Variants in HS2ST1 observed in about 807,000 individuals in gnomAD.
HS2ST1 encodes the protein 2-O-sulfotransferase.
HS2ST1 carries 18 observed loss-of-function variants against 42.9 expected under a neutral mutation model. The observed-to-expected ratio is 0.42, with a 90% CI of 0.29 to 0.62. The LOEUF is 0.62. Ranked by LOEUF, HS2ST1 falls within the 20% of genes least tolerant of loss-of-function variation. The probability of loss-of-function intolerance (pLI) is 0.21; values close to 1 mark genes in which losing one functional copy is unlikely to be tolerated. For synonymous variants in HS2ST1, 146 were observed against 152.9 expected (o/e 0.95, Z 0.33); for missense variants, 334 against 433.8 (o/e 0.77, Z 2.04).
intron 1 of HS2ST1, among the ~76,000 whole-genome samples, chr1:86,979,469 C>T (rs1262373968): frequency 2.0e-5 from 3 of 152,192 alleles, no homozygotes; most frequent in South Asian, 2.1e-4. Context: ...ATTTTGTGTT[C>T]GTATTGTTGT....
chr1:87,076,963 G>C (rs1429066612), intron 2 of HS2ST1, among the ~76,000 whole-genome samples: 1 of 152,130 alleles, frequency 6.6e-6, no homozygotes, highest in Non-Finnish European at 1.5e-5. Context: ...AGTTCACCAG[G>C]AGTTGCAGAT....
At chr1:86,953,336 C>G (rs1647578197) in intron 1 of HS2ST1, among the ~76,000 whole-genome samples, 1 of 152,226 alleles carries the variant, frequency 6.6e-6, no homozygotes, top group African/African-American at 2.4e-5. Context: ...GTTTTCTTAT[C>G]ATGGTGTGTT....
chr1:87,000,161 A>G (rs984528246), intron 1 of HS2ST1, among the ~76,000 whole-genome samples: 2 of 152,130 alleles, frequency 1.3e-5, no homozygotes, highest in Non-Finnish European at 2.9e-5. Context: ...TTATAAAGCA[A>G]ATAATGAGTA....
intron 1 of HS2ST1, among the ~76,000 whole-genome samples, chr1:86,942,443 T>C (rs1268976906): frequency 6.6e-6 from 1 of 152,190 alleles, no homozygotes; most frequent in Non-Finnish European, 1.5e-5. Flanking sequence ...TTGGTTTAGA[T>C]TAAAAGTGCT....
chr1:87,087,245 C>A (rs961651274), intron 3 of HS2ST1, among the ~76,000 whole-genome samples: 1 of 152,100 alleles, frequency 6.6e-6, no homozygotes, highest in Non-Finnish European at 1.5e-5. Flanking sequence ...TAAACATTTT[C>A]ATTTATAATG....
At chr1:87,020,802 C>A (rs958661453) in intron 1 of HS2ST1, among the ~76,000 whole-genome samples, 2 of 152,150 alleles carry the variant, frequency 1.3e-5, no homozygotes, top group African/African-American at 4.8e-5. Context: ...AAGACCTTGT[C>A]TTTAAATACA....
chr1:86,992,424 T>C (rs1017586827), intron 1 of HS2ST1, among the ~76,000 whole-genome samples: 1 of 151,724 alleles, frequency 6.6e-6, no homozygotes, highest in Non-Finnish European at 1.5e-5. Context: ...TGGAGTGCAA[T>C]GGCATGATCT....
At chr1:87,072,301 T>C (rs1017540996) in intron 1 of HS2ST1, among the ~76,000 whole-genome samples, 3 of 152,324 alleles carry the variant, frequency 2.0e-5, no homozygotes, top group African/African-American at 4.8e-5. Flanking sequence ...GCATTTATAA[T>C]CACTTTATAA....
chr1:87,015,561 G>T (rs183305622), intron 1 of HS2ST1, among the ~76,000 whole-genome samples: 4 of 151,418 alleles, frequency 2.6e-5, no homozygotes, highest in African/African-American at 9.7e-5. Flanking sequence ...AGCCAAGATC[G>T]TCTTGATTTC....
intron 1 of HS2ST1, among the ~76,000 whole-genome samples, chr1:86,948,344 A>G (rs1164711624): frequency 6.6e-6 from 1 of 152,176 alleles, no homozygotes; most frequent in Non-Finnish European, 1.5e-5. Flanking sequence ...GTGGCTGTTC[A>G]TGGGCATAAT....
At chr1:87,085,195 T>TAAATAAAACACTAAAAA (rs1355680378) in intron 3 of HS2ST1, among the ~76,000 whole-genome samples, 8 of 152,136 alleles carry the variant, frequency 5.3e-5, no homozygotes, top group Non-Finnish European at 1.0e-4. Flanking sequence ...TCAAAAACAC[T>TAAATAAAACACTAAAAA]AAAAAAATTT....
rs564750515 is a variant in HS2ST1, at chr1:86,915,289, G to C, written c.124+129G>C. 6.1e-4 allele frequency: 615 copies of C among 1,012,108 alleles called. 8 individuals are homozygous for C. In the South Asian group the frequency reaches 9.7e-3, roughly 16 times the overall value. 62.7% of individuals were successfully genotyped at this position (1,012,108 alleles called of 1,614,324 possible). A position where few individuals can be genotyped will look rare whatever the true frequency, so the allele number is the denominator to read the frequency against. ...GCTGAAAGCGGTTTCAAAGAGAACC[G>C]GGAACAAGGGGCAGCGAGAGCACGA... On this transcript the variant is annotated intron_variant, in intron 1 of 6. Coordinates refer to ENST00000370550, the MANE Select transcript of HS2ST1 (RefSeq NM_012262.4).
At chr1:86,946,270 A>AT (rs1202812763) in intron 1 of HS2ST1, among the ~76,000 whole-genome samples, 1 of 152,236 alleles carries the variant, frequency 6.6e-6, no homozygotes. Flanking sequence ...TAGCATGTAA[A>AT]TTAAAGAATT....
At chr1:86,996,540 A>G (rs180970724) in intron 1 of HS2ST1, among the ~76,000 whole-genome samples, 23 of 152,010 alleles carry the variant, frequency 1.5e-4, no homozygotes, top group Non-Finnish European at 2.8e-4. Context: ...TTGGCTGGAG[A>G]TGGTCCAGTC....
intron 3 of HS2ST1, among the ~76,000 whole-genome samples, chr1:87,086,023 A>T (rs1352597359): frequency 5.3e-5 from 8 of 152,196 alleles, no homozygotes; most frequent in Non-Finnish European, 1.0e-4. Context: ...AAATACCTAA[A>T]CAAAATCAGC....
intron 1 of HS2ST1, among the ~76,000 whole-genome samples, chr1:87,008,169 T>G (rs530495582): frequency 1.3e-5 from 2 of 152,262 alleles, no homozygotes; most frequent in East Asian, 1.9e-4. Flanking sequence ...GTAGAATGTT[T>G]CCTGTATTAA....
At position 86,952,467 on chromosome 1, in the gene HS2ST1, G is replaced by C. The variant is rs189951717; in HGVS notation, c.124+37307G>C. ...TGGCCAGGCTGGTCTTGAACTCCTG[G>C]TCTCAAGTGATCTGCCTGCCCTGGT... On this transcript the variant is annotated intron_variant, in intron 1 of 6. Coordinates refer to ENST00000370550, the MANE Select transcript of HS2ST1 (RefSeq NM_012262.4). Among the ~76,000 whole-genome samples, 27 of 152,222 alleles carry C rather than the reference G, an allele frequency of 1.8e-4. No individual in the cohort carries two copies. The East Asian group carries it at 5.2e-3, about 29-fold the overall frequency.
chr1:87,018,432 A>G (rs1317137508), intron 1 of HS2ST1, among the ~76,000 whole-genome samples: 3 of 151,850 alleles, frequency 2.0e-5, no homozygotes, highest in Non-Finnish European at 4.4e-5. Context: ...TACCCTATCC[A>G]CCCACGAGGC....
chr1:87,053,784 C>T (rs1210051389), intron 1 of HS2ST1, among the ~76,000 whole-genome samples: 1 of 152,092 alleles, frequency 6.6e-6, no homozygotes, highest in African/African-American at 2.4e-5. Context: ...CATGATCTTG[C>T]AGTGATAGTG....
Sources: gnomAD v4.1 joint callset for allele counts (sites outside exome capture counted in the v4.1 genomes callset) on GRCh38, gnomAD v4.1.1 for gene constraint, MANE v1.5 for transcripts, NCBI Gene and HGNC (gene_info 2026-07-23, HGNC 2026-07-21) for gene names.